Variants in HOPX observed in about 807,000 individuals in gnomAD.
The protein encoded by HOPX is HOP homeobox, also known as homeodomain-only protein.
HOPX carries 5 observed loss-of-function variants against 11.8 expected under a neutral mutation model. The observed-to-expected ratio is 0.43, with a 90% CI of 0.22 to 0.89. The LOEUF (loss-of-function observed/expected upper bound fraction) is 0.89, where lower values mean the gene tolerates loss of function less well. Among genes scored for constraint, HOPX ranks in the 40% least tolerant of loss-of-function variants. The pLI is 0.28. For missense variants in HOPX, 119 were observed against 120.0 expected (o/e 0.99, Z 0.04); for synonymous variants, 49 against 49.7 (o/e 0.99, Z 0.06).
At chr4:56,648,831 C>T in intron 3 of HOPX, 34 bp from the exon 4 acceptor site, 5 of 1,548,088 alleles carry the variant, frequency 3.2e-6, no homozygotes, top group Non-Finnish European at 4.5e-6. Context: ...ATATTTGTCA[C>T]ATACAGAAAA....
At chr4:56,650,554 G>C (rs1323626620) in intron 3 of HOPX, 5 of 965,278 alleles carry the variant, frequency 5.2e-6, no homozygotes, top group Non-Finnish European at 7.8e-6. Flanking sequence ...AGGCTCTGCA[G>C]GACTGCTTTG....
chr4:56,656,455 G>T, intron 2 of HOPX: 4 of 985,424 alleles, frequency 4.1e-6, no homozygotes, highest in Non-Finnish European at 4.8e-6. Flanking sequence ...GACAGATCGC[G>T]AGGGTGGGTT....
intron 1 of HOPX, among the ~76,000 whole-genome samples, chr4:56,666,469 A>G (rs928512134): frequency 4.6e-5 from 7 of 152,220 alleles, no homozygotes; most frequent in African/African-American, 1.7e-4. Context: ...CCATTGGAGG[A>G]AAGGGTGTCT....
intron 3 of HOPX, among the ~76,000 whole-genome samples, chr4:56,651,873 A>AGAGTGT (rs1165596516): frequency 2.5e-4 from 34 of 136,762 alleles, no homozygotes; most frequent in South Asian, 7.0e-4. Flanking sequence ...AGAGAGAGAG[A>AGAGTGT]GTGTGTGTGT....
chr4:56,655,802 AG>A, intron 3 of HOPX, 54 bp downstream of exon 3: 1 of 1,541,404 alleles, frequency 6.5e-7, no homozygotes, highest in South Asian at 1.2e-5. Flanking sequence ...CCCAGCCGCG[AG>A]AAGGCTCAGC....
intron 1 of HOPX, chr4:56,664,474 TAA>T (rs1718326934): frequency 6.6e-6 from 1 of 152,052 alleles, no homozygotes; most frequent in Non-Finnish European, 1.5e-5. Context: ...AGGCTTTCCG[TAA>T]AGTATCCCCT....
intron 1 of HOPX, chr4:56,665,302 T>C (rs892640935): frequency 3.3e-5 from 5 of 152,220 alleles, no homozygotes; most frequent in African/African-American, 1.2e-4. Context: ...TCTTCTCCAG[T>C]AAATTATATG....
At chr4:56,650,092 C>T (rs1176414969) in intron 3 of HOPX, 1 of 154,522 alleles carries the variant, frequency 6.5e-6, no homozygotes, top group Non-Finnish European at 1.5e-5. Flanking sequence ...TAGGTGACCA[C>T]CCAGGGCTCT....
At chr4:56,653,213 CTTTTTTA>C (rs900756539) in intron 3 of HOPX, among the ~76,000 whole-genome samples, 20 of 151,912 alleles carry the variant, frequency 1.3e-4, no homozygotes, top group South Asian at 1.3e-3. Context: ...GATTTTTTTA[CTTTTTTA>C]TTTTTTATTT....
At chr4:56,666,868 C>T (rs1278331919) in intron 1 of HOPX, among the ~76,000 whole-genome samples, 1 of 151,430 alleles carries the variant, frequency 6.6e-6, no homozygotes, top group African/African-American at 2.4e-5. Context: ...CCAGGCTAAC[C>T]CACTAAAGGT....
chr4:56,678,499 G>A (rs1055632083), intron 1 of HOPX, among the ~76,000 whole-genome samples: 4 of 144,496 alleles, frequency 2.8e-5, no homozygotes, highest in African/African-American at 1.1e-4. Flanking sequence ...AGGCAGGAGT[G>A]CAGTGGCACG....
At chr4:56,656,058 G>C in intron 2 of HOPX, 46 bp from the exon 3 acceptor site, 11 of 1,475,442 alleles carry the variant, frequency 7.5e-6, no homozygotes, top group Non-Finnish European at 9.9e-6. Flanking sequence ...GCGTGGAGCG[G>C]GCGGGACGCA....
intron 3 of HOPX, chr4:56,649,988 C>T (rs1717006708): frequency 6.6e-6 from 1 of 152,394 alleles, no homozygotes; most frequent in African/African-American, 2.4e-5. Flanking sequence ...CCCCCAAGCT[C>T]TGTTCTCCTG....
intron 1 of HOPX, among the ~76,000 whole-genome samples, chr4:56,658,498 A>G (rs1717917903): frequency 6.6e-6 from 1 of 152,234 alleles, no homozygotes; most frequent in Non-Finnish European, 1.5e-5. Context: ...CCTGATTTCT[A>G]GAAACGAAGG....
At chr4:56,672,527 A>G (rs1718793769) in intron 1 of HOPX, 1 of 151,938 alleles carries the variant, frequency 6.6e-6, no homozygotes, top group Non-Finnish European at 1.5e-5. Flanking sequence ...CGACAGAGCA[A>G]AACTTTGTCT....
At chr4:56,669,477 G>A (rs1718615979) in intron 1 of HOPX, among the ~76,000 whole-genome samples, 1 of 152,074 alleles carries the variant, frequency 6.6e-6, no homozygotes, top group Non-Finnish European at 1.5e-5. Flanking sequence ...TGGCCAACAT[G>A]GCAAAACCCC....
At position 56,655,907 on chromosome 4, in the gene HOPX, TGGTGGAATCCG is replaced by T. The variant is rs1326122247; in HGVS notation, c.137_147del (p.Pro46HisfsTer21). ...GCCTCGGCCGCGATGAGGCACAGCGTGGTGGAATCCGGGTGCTTGTCGACCTTGTTGAAGTT... is the reference window on the plus strand; with the variant it reads ...GCCTCGGCCGCGATGAGGCACAGCGTGGTGCTTGTCGACCTTGTTGAAGTT... On this transcript the variant is annotated frameshift_variant, in exon 3 of 4. Transcript: ENST00000420433. LOFTEE classifies it high-confidence loss of function. 2 of 1,612,070 alleles carry T rather than the reference TGGTGGAATCCG, an allele frequency of 1.2e-6. No homozygotes were observed. Among genetic ancestry groups the T allele is most frequent in the African/African-American group, 2.7e-5 (2 of 74,812 alleles).
At chr4:56,667,987 C>T (rs539349966) in intron 1 of HOPX, among the ~76,000 whole-genome samples, 4 of 152,216 alleles carry the variant, frequency 2.6e-5, no homozygotes, top group South Asian at 4.2e-4. Context: ...TGCAGTGGTG[C>T]GATCTCGGCT....
intron 3 of HOPX, chr4:56,651,050 G>T (rs1376647335): frequency 2.7e-6 from 1 of 374,632 alleles, no homozygotes; most frequent in Admixed American, 4.2e-5. Flanking sequence ...TGGCAGCATT[G>T]TAAAGACTGA....
Sources: allele counts gnomAD v4.1 joint callset (sites outside exome capture counted in the v4.1 genomes callset), GRCh38; gene constraint gnomAD v4.1.1; transcripts MANE v1.5; gene names NCBI Gene and HGNC (gene_info 2026-07-23, HGNC 2026-07-21).